BCORL1: variants seen among roughly 807,000 people sequenced by gnomAD.
BCORL1 encodes BCL-6 corepressor-like protein 1.
Under a neutral mutation model 87.6 loss-of-function variants are expected in BCORL1, and 7 were observed. That is an observed-to-expected ratio of 0.08 (90% CI 0.05 to 0.15). The LOEUF (loss-of-function observed/expected upper bound fraction) is 0.15. Ranked by LOEUF, BCORL1 falls within the 10% of genes least tolerant of loss-of-function variation. The pLI, the probability that BCORL1 is intolerant of heterozygous loss-of-function variation, is 1.00. For missense variants in BCORL1, 1,215 were observed against 1,499.7 expected (o/e 0.81, Z 3.13); for synonymous variants, 591 against 634.4 (o/e 0.93, Z 1.03).
In BCORL1 at chrX:130,050,981, A is replaced by C. The variant is rs139667806; in HGVS notation, c.4918+187A>C. On this transcript the variant is annotated intron_variant, in intron 12 of 13. Coordinates refer to ENST00000540052, the MANE Select transcript of BCORL1 (RefSeq NM_001379451.1). ...TGGGAAATGCAGCACTGGTTTGGAC[A>C]CAGCCATCCCTCACTAGCCCTCTAC... is the stretch of plus-strand genomic sequence containing the variant. Among the ~76,000 whole-genome samples, 446 of 111,816 alleles carry C rather than the reference A, an allele frequency of 4.0e-3. 4 individuals are homozygous for C. The highest frequency in any genetic ancestry group is 0.014 in the African/African-American group (417 of 30,773).
At chrX:130,051,421 G>A (rs577955130) in intron 12 of BCORL1, among the ~76,000 whole-genome samples, 1 of 113,039 alleles carries the variant, frequency 8.8e-6, no homozygotes, top group East Asian at 2.8e-4. Flanking sequence ...AATGTGGGCT[G>A]GGGAAAGGAA....
rs761051678 is a variant in BCORL1 at position 130,015,640 on chromosome X, C to T, written c.2868C>T (p.His956=). ...AGGGGCCTGAGGAATCAGAGAGCCA[C>T]CTCTGCTCTGACAGCACTCCTAAGA... is the stretch of plus-strand genomic sequence containing the variant. ...MNQGPEESES[H]LCSDSTPKME... is the part of the protein sequence containing the mutation. Residue 956 remains histidine (H), a synonymous_variant, in exon 4 of 14, where the codon CAC becomes CAT. Coordinates refer to ENST00000540052, the MANE Select transcript of BCORL1 (RefSeq NM_001379451.1). 5 of 1,211,943 alleles carry T rather than the reference C, an allele frequency of 4.1e-6. No individual in the cohort carries two copies. The highest frequency in any genetic ancestry group is 1.8e-5 in the South Asian group (1 of 57,026).
At chrX:130,037,819 A>G (rs1417993361) in intron 10 of BCORL1, among the ~76,000 whole-genome samples, 4 of 111,699 alleles carry the variant, frequency 3.6e-5, no homozygotes, top group Non-Finnish European at 5.7e-5. Context: ...TGAACCCAGG[A>G]GGTGGAGGTT....
intron 8 of BCORL1, among the ~76,000 whole-genome samples, 174 bp from the exon 9 acceptor site, chrX:130,034,281 A>G (rs1478592363): frequency 8.9e-6 from 1 of 112,149 alleles, no homozygotes; most frequent in African/African-American, 3.2e-5. Context: ...CGCCTGGCCC[A>G]GCGTCTGGCC....
At chrX:130,032,731 T>TTCTA (rs61434113) in intron 8 of BCORL1, among the ~76,000 whole-genome samples, 60 of 100,948 alleles carry the variant, frequency 5.9e-4, no homozygotes, top group Middle Eastern at 4.9e-3. Context: ...CGAGAATCTC[T>TTCTA]TCTATTTATT....
intron 11 of BCORL1, among the ~76,000 whole-genome samples, chrX:130,042,648 G>A (rs1391596471): frequency 9.0e-6 from 1 of 111,605 alleles, no homozygotes; most frequent in Non-Finnish European, 1.9e-5. Flanking sequence ...AAAAATTGAG[G>A]TAAAATTTAC....
At position 130,014,504 on chromosome X, in the gene BCORL1, C is replaced by T. The variant is rs1453795937; in HGVS notation, c.1732C>T (p.Pro578Ser). Residue 578 changes from proline to serine, a missense_variant, in exon 4 of 14, where the codon CCG (proline) becomes TCG (serine). Physicochemically the swap from Pro to Ser is moderately conservative, Grantham distance 74. Transcript: ENST00000540052. ...AGCCCCCAGTGGGAGCTCAGCCCCA[C>T]CGCACCCCGCCAAGATGCCCAGTGG... The part of the protein sequence containing the change: ...LPAPSGSSAP[P>S]HPAKMPSGTE... 19 of 1,211,582 alleles carry T rather than the reference C, an allele frequency of 1.6e-5. No homozygotes were observed. Among genetic ancestry groups the T allele is most frequent in the Non-Finnish European group, 2.1e-5 (19 of 895,511 alleles).
chrX:129,993,425 C>T (rs775889985), intron 1 of BCORL1, among the ~76,000 whole-genome samples: 1 of 112,698 alleles, frequency 8.9e-6, no homozygotes, highest in Admixed American at 9.4e-5. Flanking sequence ...CTGGCTCACG[C>T]CTATAATCTC....
At chrX:129,983,481 C>T (rs1418043017) in intron 1 of BCORL1, among the ~76,000 whole-genome samples, 1 of 106,211 alleles carries the variant, frequency 9.4e-6, no homozygotes, top group African/African-American at 3.5e-5. Context: ...AAAATGCCCT[C>T]CAACCTCAGA....
At chrX:130,053,291 T>TC (rs1255124802) in intron 13 of BCORL1, among the ~76,000 whole-genome samples, 6 of 98,165 alleles carry the variant, frequency 6.1e-5, no homozygotes, top group African/African-American at 1.1e-4. Flanking sequence ...TCCCCTGCCC[T>TC]CCCCCCCACC....
chrX:130,012,810 TTGGC>T, intron 3 of BCORL1, 136 bp from the exon 4 acceptor site: 1 of 1,025,844 alleles, frequency 9.7e-7, no homozygotes, highest in Non-Finnish European at 1.3e-6. Context: ...GGGACACAAA[TTGGC>T]TGGCTGCCCT....
At chrX:129,982,311 G>A (rs972442882), upstream of BCORL1, among the ~76,000 whole-genome samples, 3 of 111,261 alleles carry the variant, frequency 2.7e-5, no homozygotes, top group Non-Finnish European at 5.7e-5. Context: ...TCCCTCTCCG[G>A]AATCCGCTCG....
intron 1 of BCORL1, among the ~76,000 whole-genome samples, chrX:129,994,875 G>A (rs1311974050): frequency 2.7e-5 from 3 of 111,996 alleles, no homozygotes; most frequent in Non-Finnish European, 3.8e-5. Flanking sequence ...ATGAACAGCA[G>A]AAAGGGCTGT....
intron 1 of BCORL1, among the ~76,000 whole-genome samples, chrX:130,000,076 T>C (rs888635939): frequency 1.8e-5 from 2 of 110,648 alleles, no homozygotes; most frequent in Non-Finnish European, 1.9e-5. Flanking sequence ...TAGACAGGAT[T>C]TTGCTGTCGC....
Position 130,022,881 on chromosome X carries a change from C to T in BCORL1, c.3608-16C>T. The T allele has an allele frequency of 4.2e-6, 5 of 1,204,432 alleles. No individual in the cohort carries two copies. Among genetic ancestry groups the T allele is most frequent in the Non-Finnish European group, 5.6e-6 (5 of 888,743 alleles). On this transcript the variant is annotated splice_polypyrimidine_tract_variant and intron_variant, in intron 5 of 13. Transcript: ENST00000540052. ...AACATTTCTGCCTTCTGTCCCCAAA[C>T]CACACATCACTCCAGGTTCCTTGGA...
At chrX:129,987,708 G>C (rs1035794338) in intron 1 of BCORL1, among the ~76,000 whole-genome samples, 7 of 111,687 alleles carry the variant, frequency 6.3e-5, no homozygotes. Flanking sequence ...TTGGAGGGTG[G>C]GGTTAGGGGC....
Position 130,014,271 on chromosome X carries a change from G to A in BCORL1, c.1499G>A (p.Arg500His). 2.5e-6 allele frequency: 3 copies of A among 1,210,823 alleles called. No individual in the cohort carries two copies. The highest frequency in any genetic ancestry group is 1.8e-5 in the South Asian group (1 of 56,910). The change falls in exon 4 of 14, where the codon CGT becomes CAT. Residue 500 changes from arginine (R) to histidine (H), a missense_variant. Around this residue, in one of 5 missense-constraint regions of BCORL1, gnomAD observed 861 missense variants for 1,010.0 expected, o/e 0.85. Transcript: ENST00000540052. ...LPGVLASPEL[R>H]SYPYAFSVAR... ...GGCGTGCTAGCCTCCCCCGAGCTCC[G>A]TTCTTACCCGTATGCATTTTCTGTG...
In BCORL1 at chrX:130,008,046, C is replaced by T. The variant is rs1928633640; in HGVS notation, c.86+2729C>T. Among the ~76,000 whole-genome samples, 3 of 109,984 alleles carry T rather than the reference C, an allele frequency of 2.7e-5. No homozygotes were observed. In the South Asian group the frequency reaches 1.2e-3, roughly 43 times the overall value. On this transcript the variant is annotated intron_variant, in intron 2 of 13. Transcript: ENST00000540052. Reference sequence around the variant, plus strand: ...TCAAGTGATTCTCGTGCATCAGCCTCCTGAGTAACTAGGATTACAGGTGTG... The same window carrying T: ...TCAAGTGATTCTCGTGCATCAGCCTTCTGAGTAACTAGGATTACAGGTGTG...
At chrX:130,003,073 C>T (rs1477314405) in intron 1 of BCORL1, among the ~76,000 whole-genome samples, 1 of 111,333 alleles carries the variant, frequency 9.0e-6, no homozygotes, top group African/African-American at 3.3e-5. Context: ...GGATGCCTCT[C>T]TCCTCTCTTC....
Sources: gnomAD v4.1 joint callset for allele counts (sites outside exome capture counted in the v4.1 genomes callset) on GRCh38, gnomAD v4.1.1 for gene constraint, gnomAD v4.1.1 regional missense constraint, MANE v1.5 for transcripts, NCBI Gene and HGNC (gene_info 2026-07-23, HGNC 2026-07-21) for gene names.